Variants in RBMS3 observed in about 807,000 individuals in gnomAD.
RBMS3 encodes RNA binding motif single stranded interacting protein 3, also known as RNA-binding motif, single-stranded-interacting protein 3.
Under a neutral mutation model 66.8 loss-of-function variants are expected in RBMS3, and 27 were observed. The observed-to-expected ratio is 0.40, with a 90% CI of 0.30 to 0.56. The LOEUF is 0.56. Ranked by LOEUF, RBMS3 falls within the 20% of genes least tolerant of loss-of-function variation. The pLI, the probability that RBMS3 is intolerant of heterozygous loss-of-function variation, is 0.40. For missense variants in RBMS3, 513 were observed against 549.5 expected, an observed-to-expected ratio of 0.93 and a Z score of 0.66; for synonymous variants, 188 against 183.0, an observed-to-expected ratio of 1.03 and a Z score of -0.22.
rs751006803 is a variant in RBMS3 at position 29,762,923 on chromosome 3, G to C, written c.571G>C (p.Glu191Gln). The change falls in exon 6 of 15, where the codon GAA becomes CAA. Residue 191 changes from glutamate (E) to glutamine (Q), a missense_variant. Coordinates refer to ENST00000383767, the MANE Select transcript of RBMS3 (RefSeq NM_001003793.3). ...GVGFARMEST[E>Q]KCEVVIQHFN... Reference sequence around the variant, plus strand: ...TTTTTTTCCCAGAATGGAGTCTACTGAAAAATGTGAAGTGGTAATTCAACA... The same window carrying C: ...TTTTTTTCCCAGAATGGAGTCTACTCAAAAATGTGAAGTGGTAATTCAACA... 1 of 1,608,152 alleles carries C rather than the reference G, an allele frequency of 6.2e-7. No individual in the cohort carries two copies. The highest frequency in any genetic ancestry group is 1.1e-5 in the South Asian group (1 of 90,476).
At chr3:29,685,856 C>A (rs1347180603) in intron 4 of RBMS3, among the ~76,000 whole-genome samples, 2 of 152,192 alleles carry the variant, frequency 1.3e-5, no homozygotes, top group Non-Finnish European at 2.9e-5. Flanking sequence ...CACCTCTCCC[C>A]ACACCTTCTG....
At position 29,711,294 on chromosome 3, in the gene RBMS3, G is replaced by A. The variant is rs191096948; in HGVS notation, c.400-28426G>A. Among the ~76,000 whole-genome samples the A allele has an allele frequency of 5.9e-5, 9 of 152,286 alleles. No individual in the cohort carries two copies. In the East Asian group the frequency reaches 9.7e-4, roughly 16 times the overall value. On this transcript the variant is annotated intron_variant, in intron 4 of 14. Coordinates refer to ENST00000383767, the MANE Select transcript of RBMS3 (RefSeq NM_001003793.3). ...AAATCACAGATAAGAGGAGACTAGC[G>A]TAGTAAAGGAAATGGACATTGTGTC... is the stretch of plus-strand genomic sequence containing the variant.
At chr3:29,542,936 C>T (rs1183424821) in intron 3 of RBMS3, among the ~76,000 whole-genome samples, 1 of 152,108 alleles carries the variant, frequency 6.6e-6, no homozygotes, top group African/African-American at 2.4e-5. Flanking sequence ...TAAGAGTTTT[C>T]AGAAGCAATG....
intron 3 of RBMS3, among the ~76,000 whole-genome samples, chr3:29,568,492 G>A (rs1468294038): frequency 3.3e-5 from 5 of 152,252 alleles, no homozygotes; most frequent in Admixed American, 2.6e-4. Context: ...AAAGATGAGG[G>A]AGTTGGAGAG....
chr3:29,603,919 T>C (rs2048234238), intron 4 of RBMS3, among the ~76,000 whole-genome samples: 1 of 151,870 alleles, frequency 6.6e-6, no homozygotes, highest in South Asian at 2.1e-4. Context: ...AGGGCACAAG[T>C]TGCTTTAGAG....
intron 1 of RBMS3, among the ~76,000 whole-genome samples, chr3:29,416,964 GAAC>G (rs2125694725): frequency 6.6e-6 from 1 of 152,018 alleles, no homozygotes; most frequent in East Asian, 1.9e-4. Context: ...AAACATTTCT[GAAC>G]TATCACTAGA....
At chr3:29,812,791 T>C (rs2057764987) in intron 6 of RBMS3, among the ~76,000 whole-genome samples, 1 of 152,138 alleles carries the variant, frequency 6.6e-6, no homozygotes, top group African/African-American at 2.4e-5. Context: ...TTCTGGGTGA[T>C]GGAAAGACGA....
At chr3:29,489,772 C>G (rs1226246992) in intron 3 of RBMS3, among the ~76,000 whole-genome samples, 1 of 148,858 alleles carries the variant, frequency 6.7e-6, no homozygotes, top group South Asian at 2.1e-4. Flanking sequence ...CTGCTGGGCG[C>G]GGTGGCTCAC....
intron 4 of RBMS3, among the ~76,000 whole-genome samples, chr3:29,686,677 T>C (rs995529602): frequency 1.5e-4 from 23 of 152,048 alleles, no homozygotes; most frequent in African/African-American, 5.5e-4. Context: ...ACCCTGTCTG[T>C]AAAAAAAATT....
intron 12 of RBMS3, among the ~76,000 whole-genome samples, chr3:29,983,490 A>T (rs1409393869): frequency 1.3e-5 from 2 of 152,044 alleles, no homozygotes; most frequent in Non-Finnish European, 2.9e-5. Context: ...CCATTAGTTG[A>T]TGCAGTTTTT....
chr3:29,953,640 G>A (rs1201802052), intron 12 of RBMS3, among the ~76,000 whole-genome samples: 1 of 151,854 alleles, frequency 6.6e-6, no homozygotes, highest in Non-Finnish European at 1.5e-5. Flanking sequence ...TACATACTAT[G>A]TTCTAGGCAC....
chr3:29,646,792 G>A lies in RBMS3; in HGVS notation c.399+59587G>A, dbSNP rs534439525. Among the ~76,000 whole-genome samples, 3 of 152,002 alleles carry A rather than the reference G, an allele frequency of 2.0e-5. No homozygotes were observed. In the South Asian group the frequency reaches 6.2e-4, roughly 32 times the overall value. On this transcript the variant is annotated intron_variant, in intron 4 of 14. Coordinates refer to ENST00000383767, the MANE Select transcript of RBMS3 (RefSeq NM_001003793.3). Reference sequence around the variant, plus strand: ...TAGGTGATAGAGGGAAAAAAGGGAGGAGAGTTTAAAATCTTTTAAAGTAGA... The same window carrying A: ...TAGGTGATAGAGGGAAAAAAGGGAGAAGAGTTTAAAATCTTTTAAAGTAGA...
At chr3:29,831,293 G>T (rs1435134280) in intron 6 of RBMS3, among the ~76,000 whole-genome samples, 1 of 152,172 alleles carries the variant, frequency 6.6e-6, no homozygotes, top group East Asian at 1.9e-4. Flanking sequence ...CTGAGTAGAA[G>T]TTAAGAGTGT....
At position 29,534,264 on chromosome 3, in the gene RBMS3, A is replaced by T. The variant is rs1290828575; in HGVS notation, c.307+45765A>T. On this transcript the variant is annotated intron_variant, in intron 3 of 14. Coordinates refer to ENST00000383767, the MANE Select transcript of RBMS3 (RefSeq NM_001003793.3). ...TTACTACCAACTGGATTCTACTTTGAAACTCAATCAGTTATCCTTAAACAA... is the reference window on the plus strand; with the variant it reads ...TTACTACCAACTGGATTCTACTTTGTAACTCAATCAGTTATCCTTAAACAA... Among the ~76,000 whole-genome samples, 3 of 152,216 alleles carry T rather than the reference A, an allele frequency of 2.0e-5. 1 individual carries two copies. Among genetic ancestry groups the T allele is most frequent in the African/African-American group, 7.2e-5 (3 of 41,448 alleles).
intron 1 of RBMS3, among the ~76,000 whole-genome samples, chr3:29,289,611 T>G (rs1235743815): frequency 6.6e-6 from 1 of 151,794 alleles, no homozygotes; most frequent in Non-Finnish European, 1.5e-5. Flanking sequence ...AAATAAAAAG[T>G]AAATGGAACC....
intron 4 of RBMS3, among the ~76,000 whole-genome samples, chr3:29,660,126 G>A (rs1190908718): frequency 6.6e-6 from 1 of 152,022 alleles, no homozygotes; most frequent in African/African-American, 2.4e-5. Context: ...TTTTCAGTGT[G>A]TTCACTATTA....
At chr3:29,984,791 C>T (rs1698256358) in intron 12 of RBMS3, among the ~76,000 whole-genome samples, 1 of 152,122 alleles carries the variant, frequency 6.6e-6, no homozygotes, top group African/African-American at 2.4e-5. Context: ...GAAGCTTCGT[C>T]CCAGAGGGGC....
chr3:29,582,762 A>G (rs1400214648), intron 3 of RBMS3, among the ~76,000 whole-genome samples: 1 of 152,186 alleles, frequency 6.6e-6, no homozygotes. Flanking sequence ...TTCCTTGCTA[A>G]ATCCATCATT....
intron 4 of RBMS3, among the ~76,000 whole-genome samples, chr3:29,707,765 G>T (rs2052974062): frequency 6.6e-6 from 1 of 152,172 alleles, no homozygotes; most frequent in South Asian, 2.1e-4. Flanking sequence ...TGCGTTTCTT[G>T]CCAAACGAGG....
Sources: allele counts gnomAD v4.1 joint callset (sites outside exome capture counted in the v4.1 genomes callset), GRCh38; gene constraint gnomAD v4.1.1; transcripts MANE v1.5; gene names NCBI Gene and HGNC (gene_info 2026-07-23, HGNC 2026-07-21).